Variants in ZRANB3 observed in about 807,000 individuals in gnomAD.
ZRANB3 encodes the protein zinc finger RANBP2-type containing 3, also known as DNA annealing helicase and endonuclease ZRANB3.
ZRANB3 carries 125 observed loss-of-function variants against 133.8 expected under a neutral mutation model. The observed-to-expected ratio is 0.93, with a 90% CI of 0.81 to 1.08. The LOEUF is 1.08. Among genes scored for constraint, ZRANB3 ranks in the 50% least tolerant of loss-of-function variants. ZRANB3 has a pLI of 0.00. For synonymous variants in ZRANB3, 387 were observed against 432.7 expected, an observed-to-expected ratio of 0.89 and a Z score of 1.31; for missense variants, 1,229 against 1,275.5, an observed-to-expected ratio of 0.96 and a Z score of 0.56.
chr2:135,222,584 T>C (rs1446906992), intron 15 of ZRANB3, among the ~76,000 whole-genome samples: 1 of 152,078 alleles, frequency 6.6e-6, no homozygotes, highest in Non-Finnish European at 1.5e-5. Context: ...TGGTGACTTT[T>C]TCCAGTGGCT....
intron 3 of ZRANB3, among the ~76,000 whole-genome samples, chr2:135,389,981 T>G (rs754407030): frequency 2.7e-5 from 4 of 147,394 alleles, no homozygotes; most frequent in Non-Finnish European, 6.0e-5. Flanking sequence ...CCTGGGTTCA[T>G]GCCATTCTCC....
intron 1 of ZRANB3, among the ~76,000 whole-genome samples, chr2:135,520,328 G>A (rs1693882181): frequency 1.3e-5 from 2 of 151,986 alleles, no homozygotes; most frequent in Admixed American, 6.6e-5. Context: ...CCAGGAGACG[G>A]AGGTTACAGT....
intron 1 of ZRANB3, among the ~76,000 whole-genome samples, chr2:135,508,825 A>G (rs1359229151): frequency 2.6e-5 from 4 of 152,158 alleles, no homozygotes; most frequent in Non-Finnish European, 5.9e-5. Context: ...AGTCAGTTGT[A>G]ATCAACATTA....
intron 2 of ZRANB3, among the ~76,000 whole-genome samples, chr2:135,446,253 G>A (rs1690017994): frequency 1.3e-5 from 2 of 151,944 alleles, no homozygotes; most frequent in African/African-American, 2.4e-5. Flanking sequence ...TCAACAGACG[G>A]ATAGTTCATC....
At chr2:135,215,814 G>C (rs1354964834) in intron 17 of ZRANB3, among the ~76,000 whole-genome samples, 1 of 152,060 alleles carries the variant, frequency 6.6e-6, no homozygotes, top group Non-Finnish European at 1.5e-5. Flanking sequence ...TTTTGAAATG[G>C]ATAATTCTGT....
chr2:135,421,860 T>C (rs1574079812), intron 2 of ZRANB3, among the ~76,000 whole-genome samples: 1 of 151,734 alleles, frequency 6.6e-6, no homozygotes, highest in African/African-American at 2.4e-5. Context: ...TTCTCCTCCT[T>C]CTTGAATACT....
intron 6 of ZRANB3, among the ~76,000 whole-genome samples, chr2:135,342,159 C>T (rs893097909): frequency 6.7e-6 from 1 of 149,792 alleles, no homozygotes; most frequent in African/African-American, 2.6e-5. Flanking sequence ...CCCGGACACC[C>T]AGCTTTAAAA....
At chr2:135,389,432 C>T (rs1043923572) in intron 3 of ZRANB3, among the ~76,000 whole-genome samples, 4 of 152,178 alleles carry the variant, frequency 2.6e-5, no homozygotes, top group Admixed American at 1.3e-4. Flanking sequence ...ACAGGCCAGG[C>T]ACTGTGGCTC....
At chr2:135,208,365 T>C (rs759691255) in intron 18 of ZRANB3, among the ~76,000 whole-genome samples, 4 of 152,200 alleles carry the variant, frequency 2.6e-5, no homozygotes, top group African/African-American at 2.4e-5. Context: ...CTTGCTCTTA[T>C]AGGTAAACGC....
At chr2:135,345,700 A>G in intron 5 of ZRANB3, 65 bp from the exon 6 acceptor site, 2 of 1,157,936 alleles carry the variant, frequency 1.7e-6, no homozygotes, top group Non-Finnish European at 2.5e-6. Context: ...TTACAATGAT[A>G]AAACCATTTA....
At chr2:135,480,022 C>T (rs1405971051) in intron 2 of ZRANB3, among the ~76,000 whole-genome samples, 1 of 151,880 alleles carries the variant, frequency 6.6e-6, no homozygotes, top group African/African-American at 2.4e-5. Flanking sequence ...CAAGCTCCGC[C>T]TCCTGGGTTC....
chr2:135,509,518 G>A (rs1693345640), intron 1 of ZRANB3, among the ~76,000 whole-genome samples: 1 of 151,908 alleles, frequency 6.6e-6, no homozygotes, highest in Non-Finnish European at 1.5e-5. Context: ...AACAAATCTA[G>A]ATATATTAAA....
chr2:135,305,986 T>C (rs900857293), intron 8 of ZRANB3, among the ~76,000 whole-genome samples: 20 of 152,302 alleles, frequency 1.3e-4, no homozygotes, highest in African/African-American at 4.8e-4. Context: ...ATATGTGATT[T>C]GATGTTTTTC....
At chr2:135,376,111 T>C (rs1172376559) in intron 3 of ZRANB3, among the ~76,000 whole-genome samples, 1 of 152,090 alleles carries the variant, frequency 6.6e-6, no homozygotes, top group African/African-American at 2.4e-5. Flanking sequence ...AGGCAGACAA[T>C]ACAGTGATGC....
chr2:135,380,522 C>G (rs527265256), intron 3 of ZRANB3, among the ~76,000 whole-genome samples: 2 of 152,180 alleles, frequency 1.3e-5, no homozygotes, highest in Non-Finnish European at 2.9e-5. Context: ...CTCAAAACTT[C>G]ACAACTACAT....
intron 12 of ZRANB3, among the ~76,000 whole-genome samples, chr2:135,254,754 C>A (rs182190447): frequency 1.3e-5 from 2 of 149,932 alleles, no homozygotes; most frequent in East Asian, 2.0e-4. Flanking sequence ...AGAACATTTT[C>A]TTTTTTTTTT....
chr2:135,401,201 C>T (rs1008593925), intron 2 of ZRANB3, among the ~76,000 whole-genome samples: 3 of 150,828 alleles, frequency 2.0e-5, no homozygotes, highest in East Asian at 1.9e-4. Flanking sequence ...ATCATACTCA[C>T]GAGGGAACTG....
chr2:135,369,172 A>C (rs547804252), intron 3 of ZRANB3, among the ~76,000 whole-genome samples: 1 of 152,234 alleles, frequency 6.6e-6, no homozygotes, highest in South Asian at 2.1e-4. Flanking sequence ...ATGTTTAAAA[A>C]AACAGAAATA....
At chr2:135,378,008 C>T (rs1412564104) in intron 3 of ZRANB3, among the ~76,000 whole-genome samples, 1 of 152,194 alleles carries the variant, frequency 6.6e-6, no homozygotes, top group Non-Finnish European at 1.5e-5. Flanking sequence ...ATGCTTCCTG[C>T]CCTGGAACAT....
Sources: gnomAD v4.1 joint callset for allele counts (sites outside exome capture counted in the v4.1 genomes callset) on GRCh38, gnomAD v4.1.1 for gene constraint, MANE v1.5 for transcripts, NCBI Gene and HGNC (gene_info 2026-07-23, HGNC 2026-07-21) for gene names.